TANGO6: variants seen among roughly 807,000 people sequenced by gnomAD.
TANGO6 encodes transport and Golgi organization protein 6 homolog.
Under a neutral mutation model 114.2 loss-of-function variants are expected in TANGO6, and 90 were observed. The observed-to-expected ratio is 0.79, with a 90% CI of 0.66 to 0.94. The LOEUF (loss-of-function observed/expected upper bound fraction) is 0.94. Ranked by LOEUF, TANGO6 falls within the 40% of genes least tolerant of loss-of-function variation. The pLI is 0.00. For synonymous variants in TANGO6, 477 were observed against 509.8 expected, an observed-to-expected ratio of 0.94 and a Z score of 0.87; for missense variants, 1,274 against 1,315.3, an observed-to-expected ratio of 0.97 and a Z score of 0.49.
chr16:69,080,706 G>A (rs1353391735), intron 17 of TANGO6, among the ~76,000 whole-genome samples: 3 of 152,104 alleles, frequency 2.0e-5, no homozygotes, highest in African/African-American at 4.8e-5. Context: ...GTACTCTTTT[G>A]TACTGTATTA....
chr16:69,006,411 C>T (rs753584965), intron 15 of TANGO6, among the ~76,000 whole-genome samples: 3 of 152,086 alleles, frequency 2.0e-5, no homozygotes, highest in Admixed American at 6.6e-5. Context: ...CTCCAGTCCT[C>T]GTTCTGACCC....
At chr16:69,051,918 T>G (rs899583732) in intron 17 of TANGO6, among the ~76,000 whole-genome samples, 1 of 151,516 alleles carries the variant, frequency 6.6e-6, no homozygotes, top group African/African-American at 2.4e-5. Flanking sequence ...TTCTTGATTT[T>G]CCTTTTTTCT....
intron 17 of TANGO6, among the ~76,000 whole-genome samples, chr16:69,077,385 T>C (rs1403228102): frequency 6.6e-6 from 1 of 152,094 alleles, no homozygotes; most frequent in African/African-American, 2.4e-5. Flanking sequence ...AGTGTTTCAG[T>C]CGACATTCTT....
chr16:68,848,308 A>G (rs74415931), intron 1 of TANGO6, among the ~76,000 whole-genome samples: 16,631 of 152,122 alleles, frequency 0.11, 923 homozygotes, highest in Non-Finnish European at 0.13. Context: ...TAATGTTTTT[A>G]CTTCTATAAA....
intron 4 of TANGO6, among the ~76,000 whole-genome samples, chr16:68,869,138 T>C (rs13338062): frequency 6.6e-6 from 1 of 152,260 alleles, no homozygotes; most frequent in Admixed American, 6.5e-5. Context: ...TTATCACTAA[T>C]CTTTTCTCAA....
chr16:68,846,631 G>T, intron 1 of TANGO6: 1 of 175,608 alleles, frequency 5.7e-6, no homozygotes, highest in Non-Finnish European at 1.2e-5. Flanking sequence ...GAGTAATTGG[G>T]ACAACAGGCA....
At chr16:68,956,857 G>GA (rs962548870) in intron 14 of TANGO6, among the ~76,000 whole-genome samples, 193 of 150,950 alleles carry the variant, frequency 1.3e-3, no homozygotes, top group African/African-American at 4.5e-3. Flanking sequence ...TGTCTCAAAA[G>GA]AAAAAAAAGG....
rs1962960457 is a variant in TANGO6 at position 68,913,704 on chromosome 16, C to G, written c.1992+4302C>G. Among the ~76,000 whole-genome samples, 4 of 151,746 alleles carry G rather than the reference C, an allele frequency of 2.6e-5. No individual in the cohort carries two copies. In the South Asian group the frequency reaches 8.4e-4, roughly 32 times the overall value. On this transcript the variant is annotated intron_variant, in intron 11 of 17. Coordinates refer to ENST00000261778, the MANE Select transcript of TANGO6 (RefSeq NM_024562.2). The stretch of plus-strand genomic sequence containing the variant: ...GATTAGAGACGTAAGCCACTGTGCC[C>G]AGCCTAAATTTTTTTTTTGAAAAGA...
rs950399774 is a variant in TANGO6, at chr16:68,873,309, T to TTTTG, written c.995-1829_995-1826dup. The stretch of plus-strand genomic sequence containing the variant: ...AATGTTTTTGAGATTTATTCATGTT[T>TTTTG]TTTGTTTGTTTGTTTGTTTTTGAGA... On this transcript the variant is annotated intron_variant, in intron 4 of 17. Transcript: ENST00000261778. Among the ~76,000 whole-genome samples, 7 of 152,188 alleles carry TTTTG rather than the reference T, an allele frequency of 4.6e-5. No individual in the cohort carries two copies. In the East Asian group the frequency reaches 1.2e-3, roughly 25 times the overall value.
chr16:68,845,019 G>A (rs940438372), intron 1 of TANGO6, among the ~76,000 whole-genome samples: 2 of 148,902 alleles, frequency 1.3e-5, no homozygotes, highest in African/African-American at 5.0e-5. Flanking sequence ...CCAGGCTGGA[G>A]TGCAGTGGCA....
intron 15 of TANGO6, 149 bp from the exon 16 acceptor site, chr16:69,022,678 TG>T: frequency 2.5e-6 from 2 of 801,710 alleles, no homozygotes; most frequent in Non-Finnish European, 3.7e-6. Context: ...CACTCCAGTC[TG>T]GGCAATACAG....
chr16:69,012,305 C>G (rs770532467), intron 15 of TANGO6, among the ~76,000 whole-genome samples: 1 of 151,838 alleles, frequency 6.6e-6, no homozygotes, highest in Non-Finnish European at 1.5e-5. Flanking sequence ...GCCTGTAATC[C>G]CAGCATTTTG....
At chr16:69,073,975 A>G (rs1960335025) in intron 17 of TANGO6, among the ~76,000 whole-genome samples, 1 of 151,448 alleles carries the variant, frequency 6.6e-6, no homozygotes. Flanking sequence ...AAAAAAAAAA[A>G]AGGCACTCGG....
At chr16:68,847,179 C>T (rs760486382) in intron 1 of TANGO6, among the ~76,000 whole-genome samples, 4 of 152,248 alleles carry the variant, frequency 2.6e-5, no homozygotes, top group Non-Finnish European at 4.4e-5. Flanking sequence ...CGTGAGCCAC[C>T]GCGCCCGGCC....
At chr16:68,942,016 G>A (rs1487002367) in intron 14 of TANGO6, among the ~76,000 whole-genome samples, 3 of 151,844 alleles carry the variant, frequency 2.0e-5, no homozygotes, top group East Asian at 1.9e-4. Flanking sequence ...TTTAACCAGC[G>A]TGATAATCAA....
intron 15 of TANGO6, among the ~76,000 whole-genome samples, chr16:68,982,717 C>T (rs1489947918): frequency 6.7e-6 from 1 of 149,396 alleles, no homozygotes; most frequent in Non-Finnish European, 1.5e-5. Context: ...AGCAATCCTC[C>T]CACCTCGGCC....
chr16:69,038,719 T>C (rs542398311), intron 16 of TANGO6, among the ~76,000 whole-genome samples: 2 of 152,250 alleles, frequency 1.3e-5, no homozygotes, highest in Non-Finnish European at 2.9e-5. Flanking sequence ...TTCCAGTCTT[T>C]CTTTCCTGTG....
intron 15 of TANGO6, among the ~76,000 whole-genome samples, chr16:68,985,063 G>C (rs893982780): frequency 6.6e-6 from 1 of 151,170 alleles, no homozygotes; most frequent in Non-Finnish European, 1.5e-5. Flanking sequence ...AATAGAAATG[G>C]TGTGTCACTA....
At chr16:69,023,035 A>T (rs1349965333) in intron 16 of TANGO6, 56 bp downstream of exon 16, 7 of 1,470,964 alleles carry the variant, frequency 4.8e-6, no homozygotes, top group Non-Finnish European at 5.4e-6. Flanking sequence ...CCTACGATGC[A>T]TCTTGAGATT....
Sources: allele counts gnomAD v4.1 joint callset (sites outside exome capture counted in the v4.1 genomes callset), GRCh38; gene constraint gnomAD v4.1.1; transcripts MANE v1.5; gene names NCBI Gene and HGNC (gene_info 2026-07-23, HGNC 2026-07-21).